FRRS1L: variants seen among roughly 807,000 people sequenced by gnomAD.
The protein encoded by FRRS1L is ferric chelate reductase 1 like, also known as DOMON domain-containing protein FRRS1L.
A neutral mutation model predicts 28.6 loss-of-function variants in FRRS1L; 22 were observed. That is an observed-to-expected ratio of 0.77 (90% CI 0.55 to 1.10). The LOEUF is 1.10. FRRS1L is among the 50% of genes least tolerant of loss of function. The pLI is 0.00. For missense variants in FRRS1L, 380 were observed against 386.9 expected, an observed-to-expected ratio of 0.98 and a Z score of 0.15; for synonymous variants, 158 against 151.4, an observed-to-expected ratio of 1.04 and a Z score of -0.32.
In FRRS1L at chr9:109,135,508, T is replaced by C. The variant is rs1831101140; in HGVS notation, c.*1947A>G. 6.6e-6 allele frequency: 1 copy of C among 152,250 alleles called. No homozygotes were observed. The highest frequency in any genetic ancestry group is 6.5e-5 in the Admixed American group (1 of 15,280). The allele number at this position is 152,250 out of a possible 1,614,324, so 9.4% of individuals were successfully genotyped here. A position where few individuals can be genotyped will look rare whatever the true frequency, so the allele number is the denominator to read the frequency against. On this transcript the variant is annotated 3_prime_UTR_variant, in exon 5 of 5. Coordinates refer to ENST00000561981, the MANE Select transcript of FRRS1L (RefSeq NM_014334.4). Reference sequence around the variant, plus strand: ...TCTGTCACCCAGGCTGGAGTGCAAGTGGCACAATTTTGGCTCACTGCAAGC... The same window carrying C: ...TCTGTCACCCAGGCTGGAGTGCAAGCGGCACAATTTTGGCTCACTGCAAGC...
intron 1 of FRRS1L, among the ~76,000 whole-genome samples, chr9:109,158,918 T>A (rs569179945): frequency 6.6e-6 from 1 of 152,364 alleles, no homozygotes; most frequent in South Asian, 2.1e-4. Context: ...GCTGCACCAT[T>A]TCACATCCTT....
chr9:109,153,086 C>T (rs1831355942), intron 1 of FRRS1L, among the ~76,000 whole-genome samples: 1 of 152,060 alleles, frequency 6.6e-6, no homozygotes, highest in Non-Finnish European at 1.5e-5. Flanking sequence ...AAGAATTTGG[C>T]CTTTGTCCCT....
Position 109,166,947 on chromosome 9 carries a change from GC to G in FRRS1L, c.191del (p.Gly64AlafsTer64). 1 of 1,363,130 alleles carries G rather than the reference GC, an allele frequency of 7.3e-7. No homozygotes were observed. The allele number at this position is 1,363,130 out of a possible 1,614,324, so 84.4% of individuals were successfully genotyped here. ...GGTCGTAGAACTCCCCCGCGAAGGT[GC>G]CGTAGGAGGAGTCGTGGCGCGGCAC... Reference protein sequence around the residue: ...EAVPRHDSSYGTFAGEFYDLR... With the variant: ...EAVPRHDSSYXTFAGEFYDLR... On this transcript the variant is annotated frameshift_variant, in exon 1 of 5. Transcript: ENST00000561981. LOFTEE classifies it high-confidence loss of function.
chr9:109,142,175 A>G (rs1831197401), intron 3 of FRRS1L, among the ~76,000 whole-genome samples: 1 of 152,180 alleles, frequency 6.6e-6, no homozygotes, highest in Non-Finnish European at 1.5e-5. Context: ...AATAAAAGAG[A>G]ACATTCTTGA....
chr9:109,146,935 G>A lies in FRRS1L; in HGVS notation c.462+116C>T, dbSNP rs1306920764. The A allele has an allele frequency of 6.5e-6, 6 of 928,212 alleles. No individual in the cohort carries two copies. The African/African-American group carries it at 8.3e-5, about 13-fold the overall frequency. The allele number at this position is 928,212 out of a possible 1,614,324, so 57.5% of individuals were successfully genotyped here. On this transcript the variant is annotated intron_variant, in intron 3 of 4. Transcript: ENST00000561981. ...GAATTTTTTTTAACTTGCAATCAGA[G>A]AGCCATAACTAATTTGATCATTATA...
At chr9:109,150,104 A>T (rs1831314144) in intron 1 of FRRS1L, 1 of 157,592 alleles carries the variant, frequency 6.3e-6, no homozygotes, top group South Asian at 2.0e-4. Flanking sequence ...TATACTTGAT[A>T]GTGGGATTTT....
chr9:109,146,025 G>A (rs575859370), intron 3 of FRRS1L, among the ~76,000 whole-genome samples: 72 of 152,142 alleles, frequency 4.7e-4, no homozygotes, highest in African/African-American at 1.7e-3. Flanking sequence ...GTGAAACCTC[G>A]TCTCTACTAA....
At position 109,134,536 on chromosome 9, in the gene FRRS1L, A is replaced by G. The variant is rs1029609324; in HGVS notation, c.*2919T>C. 3 of 152,214 alleles carry G rather than the reference A, an allele frequency of 2.0e-5. No individual in the cohort carries two copies. Among genetic ancestry groups the G allele is most frequent in the Admixed American group, 6.5e-5 (1 of 15,274 alleles). 9.4% of individuals were successfully genotyped at this position (152,214 alleles called of 1,614,324 possible). On this transcript the variant is annotated 3_prime_UTR_variant, in exon 5 of 5. Coordinates refer to ENST00000561981, the MANE Select transcript of FRRS1L (RefSeq NM_014334.4). ...GAACTGAGAGCCTCTCAGTCTTGCT[A>G]AGACATAGCAAGTGAGGAGGAGTGG...
intron 1 of FRRS1L, among the ~76,000 whole-genome samples, chr9:109,159,510 C>A (rs1450957843): frequency 6.6e-6 from 1 of 152,076 alleles, no homozygotes; most frequent in African/African-American, 2.4e-5. Flanking sequence ...ACTAAAAATA[C>A]AAAAATTTGC....
At position 109,137,650 on chromosome 9, in the gene FRRS1L, C is replaced by A. The variant is rs1325421367; in HGVS notation, c.710-23G>T. The A allele has an allele frequency of 4.8e-6, 7 of 1,459,514 alleles. No homozygotes were observed. The Admixed American group carries it at 1.1e-4, about 22-fold the overall frequency. 90.4% of individuals were successfully genotyped at this position (1,459,514 alleles called of 1,614,324 possible). On this transcript the variant is annotated intron_variant, in intron 4 of 4. Coordinates refer to ENST00000561981, the MANE Select transcript of FRRS1L (RefSeq NM_014334.4). ...AGCCTTTAAGAAAAAAAGAGAAGAG[C>A]AGGGGCAATTGAAAAAAGAACAGAT... is the stretch of plus-strand genomic sequence containing the variant.
In FRRS1L at chr9:109,141,326, C is replaced by A; in HGVS notation, c.709+17G>T. The A allele has an allele frequency of 6.2e-7, 1 of 1,612,960 alleles. No individual in the cohort carries two copies. The highest frequency in any genetic ancestry group is 2.2e-5 in the East Asian group (1 of 44,854). On this transcript the variant is annotated intron_variant, in intron 4 of 4. Coordinates refer to ENST00000561981, the MANE Select transcript of FRRS1L (RefSeq NM_014334.4). ...TGGTGTCTGGCGTTTAATCCAGATG[C>A]TGAAATGTAAGCTTACCCTGAATGG...
At chr9:109,142,562 C>T (rs1831201092) in intron 3 of FRRS1L, among the ~76,000 whole-genome samples, 1 of 151,964 alleles carries the variant, frequency 6.6e-6, no homozygotes, top group Non-Finnish European at 1.5e-5. Flanking sequence ...GCCTGTCATC[C>T]CAACAATGTG....
intron 3 of FRRS1L, among the ~76,000 whole-genome samples, chr9:109,143,334 A>C (rs1322481517): frequency 1.3e-5 from 2 of 151,778 alleles, no homozygotes; most frequent in Non-Finnish European, 2.9e-5. Context: ...AAAAAGTTAC[A>C]AAAAAAAGTG....
chr9:109,159,561 A>G (rs1315428538), intron 1 of FRRS1L, among the ~76,000 whole-genome samples: 2 of 152,306 alleles, frequency 1.3e-5, no homozygotes, highest in Non-Finnish European at 2.9e-5. Context: ...GCTACTTGGG[A>G]AGCTGAGGCA....
intron 1 of FRRS1L, among the ~76,000 whole-genome samples, chr9:109,154,064 T>C (rs959842788): frequency 6.6e-6 from 1 of 152,178 alleles, no homozygotes; most frequent in Non-Finnish European, 1.5e-5. Flanking sequence ...CTCTACTTCA[T>C]CCTGGCAGTT....
chr9:109,141,507 G>A lies in FRRS1L; in HGVS notation c.545C>T (p.Ala182Val), dbSNP rs768412185. 6.2e-7 allele frequency: 1 copy of A among 1,613,918 alleles called. No individual in the cohort carries two copies. Among genetic ancestry groups the A allele is most frequent in the Non-Finnish European group, 8.5e-7 (1 of 1,179,986 alleles). Reference sequence around the variant, plus strand: ...GGCAGGGTTTCTCTGAATCTCCTTTGCCCACTGGCCTACATTATAGAAGTG... The same window carrying A: ...GGCAGGGTTTCTCTGAATCTCCTTTACCCACTGGCCTACATTATAGAAGTG... Reference protein sequence around the residue: ...IQHFYNVGQWAKEIQRNPARD... With the variant: ...IQHFYNVGQWVKEIQRNPARD... Residue 182 changes from alanine (A) to valine (V), a missense_variant, in exon 4 of 5, where the codon GCA becomes GTA. Transcript: ENST00000561981.
intron 1 of FRRS1L, among the ~76,000 whole-genome samples, chr9:109,154,386 A>G (rs1447791446): frequency 1.3e-5 from 2 of 152,186 alleles, no homozygotes; most frequent in Non-Finnish European, 2.9e-5. Context: ...TATGATTTCC[A>G]TCTTTCTTAC....
chr9:109,159,352 A>C (rs1831452211), intron 1 of FRRS1L, among the ~76,000 whole-genome samples: 1 of 152,142 alleles, frequency 6.6e-6, no homozygotes, highest in Non-Finnish European at 1.5e-5. Context: ...TGTTTCTTTA[A>C]GCGTGTTTTA....
chr9:109,155,135 A>T (rs929362708), intron 1 of FRRS1L, among the ~76,000 whole-genome samples: 2 of 152,182 alleles, frequency 1.3e-5, no homozygotes, highest in Non-Finnish European at 2.9e-5. Context: ...ATGGCCAGGC[A>T]CAAAGCCTGG....
Sources: allele counts gnomAD v4.1 joint callset (sites outside exome capture counted in the v4.1 genomes callset), GRCh38; gene constraint gnomAD v4.1.1; transcripts MANE v1.5; gene names NCBI Gene and HGNC (gene_info 2026-07-23, HGNC 2026-07-21).